Variants in NPAS3 observed in about 807,000 individuals in gnomAD.
The protein encoded by NPAS3 is neuronal PAS domain protein 3.
NPAS3 carries 14 observed loss-of-function variants against 73.1 expected under a neutral mutation model. That is an observed-to-expected ratio of 0.19 (90% CI 0.13 to 0.30). The LOEUF (loss-of-function observed/expected upper bound fraction) is 0.30, where lower values mean the gene tolerates loss of function less well. Among genes scored for constraint, NPAS3 ranks in the 10% least tolerant of loss-of-function variants. NPAS3 has a pLI of 1.00. For synonymous variants in NPAS3, 620 were observed against 541.5 expected (o/e 1.14, Z -2.01); for missense variants, 1,096 against 1,250.0 (o/e 0.88, Z 1.86).
chr14:33,632,765 G>C (rs1268575845), intron 5 of NPAS3, among the ~76,000 whole-genome samples: 2 of 152,222 alleles, frequency 1.3e-5, no homozygotes, highest in African/African-American at 2.4e-5. Flanking sequence ...TCATACTGGA[G>C]AGTATGTCAT....
At chr14:33,376,705 A>C (rs1226644659) in intron 4 of NPAS3, among the ~76,000 whole-genome samples, 2 of 152,230 alleles carry the variant, frequency 1.3e-5, no homozygotes, top group African/African-American at 4.8e-5. Context: ...GCATCCAGCC[A>C]ACATGAGTTT....
chr14:33,646,653 C>T (rs1456135952), intron 5 of NPAS3, among the ~76,000 whole-genome samples: 1 of 152,080 alleles, frequency 6.6e-6, no homozygotes, highest in Non-Finnish European at 1.5e-5. Flanking sequence ...TCAAATTGTC[C>T]AAGTTGAATA....
intron 6 of NPAS3, among the ~76,000 whole-genome samples, chr14:33,728,074 A>G (rs2061316933): frequency 6.6e-6 from 1 of 152,150 alleles, no homozygotes; most frequent in South Asian, 2.1e-4. Flanking sequence ...CACTGTGTAT[A>G]TTTCCCCAGA....
chr14:33,690,260 C>T (rs1284037300), intron 6 of NPAS3, among the ~76,000 whole-genome samples: 5 of 152,138 alleles, frequency 3.3e-5, no homozygotes, highest in Non-Finnish European at 7.3e-5. Flanking sequence ...TGTAGGAGGA[C>T]TCCAGTTCAT....
rs549514963 is a variant in NPAS3 at position 33,424,427 on chromosome 14, G to A, written c.468+57159G>A. ...TCAGGCAGAGGTTGTATGATCAAAC[G>A]CAACTACTTTAACTATAGTCAGAGA... On this transcript the variant is annotated intron_variant, in intron 4 of 11. Coordinates refer to ENST00000356141, the Ensembl canonical transcript of NPAS3. Among the ~76,000 whole-genome samples the A allele has an allele frequency of 3.3e-5, 5 of 151,968 alleles. No individual in the cohort carries two copies. In the East Asian group the frequency reaches 7.8e-4, roughly 24 times the overall value.
intron 7 of NPAS3, among the ~76,000 whole-genome samples, chr14:33,764,239 G>A (rs1682119630): frequency 2.0e-5 from 3 of 152,134 alleles, no homozygotes; most frequent in Admixed American, 2.0e-4. Context: ...TTCGGCGGAG[G>A]GGTACACGGC....
rs113024061 is a variant in NPAS3 at position 33,657,838 on chromosome 14, G to A, written c.559-18373G>A. Among the ~76,000 whole-genome samples, 1,053 of 152,202 alleles carry A rather than the reference G, an allele frequency of 6.9e-3. 7 individuals carry two copies. The highest frequency in any genetic ancestry group is 0.02 in the African/African-American group (843 of 41,522). On this transcript the variant is annotated intron_variant, in intron 5 of 11. Transcript: ENST00000356141. ...TACTCTTGCAGTGGGAGTGGGGTGC[G>A]TTGCAGTCAGTGGATAACATCTAGT...
At chr14:33,043,664 G>T (rs1232040354) in intron 1 of NPAS3, among the ~76,000 whole-genome samples, 1 of 152,080 alleles carries the variant, frequency 6.6e-6, no homozygotes, top group Admixed American at 6.6e-5. Flanking sequence ...CATGACAAAG[G>T]CTGTTAACTC....
At chr14:32,942,786 A>G (rs1187126725) in intron 1 of NPAS3, among the ~76,000 whole-genome samples, 2 of 152,220 alleles carry the variant, frequency 1.3e-5, no homozygotes, top group Non-Finnish European at 2.9e-5. Context: ...ACTTGCTTAT[A>G]TATATAAATA....
chr14:33,623,469 A>T (rs1211233889), intron 5 of NPAS3, among the ~76,000 whole-genome samples: 1 of 152,200 alleles, frequency 6.6e-6, no homozygotes, highest in East Asian at 1.9e-4. Context: ...ACTGCTTCTC[A>T]GCCCTTCACG....
chr14:33,779,095 C>G (rs1032531175), intron 9 of NPAS3, among the ~76,000 whole-genome samples: 3 of 152,240 alleles, frequency 2.0e-5, no homozygotes, highest in Non-Finnish European at 2.9e-5. Flanking sequence ...AGTGCTTTCG[C>G]TGTTTCTGGA....
At chr14:33,701,416 T>A (rs1595465980) in intron 6 of NPAS3, among the ~76,000 whole-genome samples, 1 of 152,206 alleles carries the variant, frequency 6.6e-6, no homozygotes, top group East Asian at 1.9e-4. Context: ...AGGAACACTA[T>A]ATGCAAAACT....
At chr14:33,441,478 T>A (rs2049245450) in intron 4 of NPAS3, among the ~76,000 whole-genome samples, 1 of 152,218 alleles carries the variant, frequency 6.6e-6, no homozygotes, top group Non-Finnish European at 1.5e-5. Context: ...TTGGAAATCT[T>A]ATTGATCAAA....
intron 3 of NPAS3, among the ~76,000 whole-genome samples, chr14:33,345,910 T>A (rs2044704698): frequency 6.6e-6 from 1 of 152,164 alleles, no homozygotes; most frequent in Non-Finnish European, 1.5e-5. Flanking sequence ...TCATCAAATA[T>A]CTATGGAAAG....
At chr14:33,321,892 A>G (rs897399524) in intron 3 of NPAS3, among the ~76,000 whole-genome samples, 6 of 152,198 alleles carry the variant, frequency 3.9e-5, no homozygotes, top group Non-Finnish European at 7.4e-5. Context: ...TCTCACAAAC[A>G]AAAATTCTGT....
chr14:33,576,074 G>T (rs1452414858), intron 5 of NPAS3, among the ~76,000 whole-genome samples: 1 of 151,940 alleles, frequency 6.6e-6, no homozygotes, highest in African/African-American at 2.4e-5. Context: ...TGTAAAGTAA[G>T]CCATGATCTA....
chr14:32,970,547 T>C (rs190942435), intron 1 of NPAS3, among the ~76,000 whole-genome samples: 26 of 152,306 alleles, frequency 1.7e-4, no homozygotes, highest in Middle Eastern at 3.4e-3. Flanking sequence ...CTTGGGGATG[T>C]TGTAATGAAG....
intron 2 of NPAS3, among the ~76,000 whole-genome samples, chr14:33,090,870 A>T (rs893222421): frequency 2.0e-5 from 3 of 152,242 alleles, no homozygotes; most frequent in Non-Finnish European, 4.4e-5. Flanking sequence ...CTACATGGAA[A>T]CTGAACAACC....
chr14:33,438,956 C>G (rs1242994294), intron 4 of NPAS3, among the ~76,000 whole-genome samples: 1 of 152,156 alleles, frequency 6.6e-6, no homozygotes, highest in Non-Finnish European at 1.5e-5. Flanking sequence ...TGAAATTTTT[C>G]AACACCATGT....
Sources: allele counts gnomAD v4.1 joint callset (sites outside exome capture counted in the v4.1 genomes callset), GRCh38; gene constraint gnomAD v4.1.1; transcripts MANE v1.5; gene names NCBI Gene and HGNC (gene_info 2026-07-23, HGNC 2026-07-21).